ASAP1: variants seen among roughly 807,000 people sequenced by gnomAD.
The protein encoded by ASAP1 is arf-GAP with SH3 domain, ANK repeat and PH domain-containing protein 1.
Under a neutral mutation model 145.2 loss-of-function variants are expected in ASAP1, and 43 were observed. The ratio of observed to expected loss-of-function variants is 0.30; its 90% confidence interval spans 0.23 to 0.38. The LOEUF is 0.38. Among genes scored for constraint, ASAP1 ranks in the 10% least tolerant of loss-of-function variants. ASAP1 has a pLI of 1.00. For synonymous variants in ASAP1, 546 were observed against 515.5 expected, an observed-to-expected ratio of 1.06 and a Z score of -0.80; for missense variants, 1,018 against 1,355.3, an observed-to-expected ratio of 0.75 and a Z score of 3.91.
In ASAP1 at chr8:130,281,158, A is replaced by G. The variant is rs151156622; in HGVS notation, c.187-44164T>C. On this transcript the variant is annotated intron_variant, in intron 3 of 29. Transcript: ENST00000518721. The stretch of plus-strand genomic sequence containing the variant: ...CTGAACAAGGTTATTTCATCTAGAT[A>G]AACTCAATTACCTTATCTGTAAAAC... 3.6e-3 allele frequency among the ~76,000 whole-genome samples: 552 copies of G among 152,276 alleles called. 1 individual carries two copies. Among genetic ancestry groups the G allele is most frequent in the African/African-American group, 0.013 (531 of 41,556 alleles).
At chr8:130,337,698 C>T (rs1464635956) in intron 3 of ASAP1, among the ~76,000 whole-genome samples, 1 of 152,166 alleles carries the variant, frequency 6.6e-6, no homozygotes, top group African/African-American at 2.4e-5. Context: ...TTCTGTAATA[C>T]ATCTGTTTTC....
At chr8:130,089,063 T>C (rs1260824536) in intron 25 of ASAP1, among the ~76,000 whole-genome samples, 1 of 152,130 alleles carries the variant, frequency 6.6e-6, no homozygotes, top group Admixed American at 6.5e-5. Context: ...GTTCATGTAC[T>C]AGGAAAGACA....
intron 27 of ASAP1, among the ~76,000 whole-genome samples, chr8:130,070,329 G>A (rs1304806387): frequency 6.6e-6 from 1 of 152,132 alleles, no homozygotes; most frequent in African/African-American, 2.4e-5. Context: ...GAGCCACCGT[G>A]CCCGGCCGAC....
chr8:130,429,971 G>A (rs1037651511), intron 1 of ASAP1, among the ~76,000 whole-genome samples: 2 of 152,200 alleles, frequency 1.3e-5, no homozygotes, highest in Admixed American at 6.5e-5. Context: ...TGCCCCAGTA[G>A]ATGGCTCCTG....
chr8:130,332,523 A>C (rs2137807616), intron 3 of ASAP1, among the ~76,000 whole-genome samples: 1 of 152,356 alleles, frequency 6.6e-6, no homozygotes, highest in Admixed American at 6.5e-5. Flanking sequence ...AACACTTCCA[A>C]AAATTTCCTA....
At chr8:130,332,867 A>G (rs1824785392) in intron 3 of ASAP1, among the ~76,000 whole-genome samples, 1 of 152,148 alleles carries the variant, frequency 6.6e-6, no homozygotes, top group Non-Finnish European at 1.5e-5. Flanking sequence ...AAATTTTAGA[A>G]AATATTTCTA....
chr8:130,225,495 TTATC>T (rs1817537664), intron 4 of ASAP1, among the ~76,000 whole-genome samples: 3 of 152,194 alleles, frequency 2.0e-5, no homozygotes, highest in Admixed American at 1.3e-4. Context: ...TGCAATGAAA[TTATC>T]TATATGGCAT....
intron 3 of ASAP1, among the ~76,000 whole-genome samples, chr8:130,304,579 T>A (rs1822878827): frequency 6.6e-6 from 1 of 152,232 alleles, no homozygotes; most frequent in Non-Finnish European, 1.5e-5. Context: ...CTTCTATGCA[T>A]CTGCCCACCC....
At chr8:130,244,000 T>C (rs1376311550) in intron 3 of ASAP1, among the ~76,000 whole-genome samples, 1 of 152,182 alleles carries the variant, frequency 6.6e-6, no homozygotes, top group Non-Finnish European at 1.5e-5. Flanking sequence ...ATTATTTTTT[T>C]TACTTTCCCT....
intron 11 of ASAP1, chr8:130,163,073 G>A (rs1586484301): frequency 1.8e-5 from 3 of 167,580 alleles, no homozygotes; most frequent in Middle Eastern, 2.0e-3. Context: ...GTGACAATGA[G>A]ATATCTCTCA....
chr8:130,072,825 G>GTGTGCGCGTGTGCGCGCGCGCGCGCA, intron 27 of ASAP1, among the ~76,000 whole-genome samples: 4 of 54,098 alleles, frequency 7.4e-5, no homozygotes, highest in Admixed American at 3.5e-4. Flanking sequence ...GTGTGTGTGT[G>GTGTGCGCGTGTGCGCGCGCGCGCGCA]CGCGCGGGGG....
intron 3 of ASAP1, among the ~76,000 whole-genome samples, chr8:130,262,701 T>C (rs1246828282): frequency 6.6e-6 from 1 of 152,180 alleles, no homozygotes; most frequent in East Asian, 1.9e-4. Flanking sequence ...ATAGGCTCCA[T>C]TGAAAATTCC....
chr8:130,273,880 G>A (rs775342995), intron 3 of ASAP1, among the ~76,000 whole-genome samples: 1 of 152,088 alleles, frequency 6.6e-6, no homozygotes, highest in African/African-American at 2.4e-5. Flanking sequence ...CATTTAAAAA[G>A]CTCATCACTT....
At chr8:130,070,068 A>G (rs963265602) in intron 27 of ASAP1, among the ~76,000 whole-genome samples, 3 of 151,868 alleles carry the variant, frequency 2.0e-5, no homozygotes, top group Admixed American at 6.6e-5. Context: ...ACGGAGTCTC[A>G]CTCTGTCGCC....
At chr8:130,260,688 G>C (rs1041596143) in intron 3 of ASAP1, among the ~76,000 whole-genome samples, 1 of 151,998 alleles carries the variant, frequency 6.6e-6, no homozygotes, top group African/African-American at 2.4e-5. Flanking sequence ...CTTGGTGGAT[G>C]AGCCTCAAAA....
At chr8:130,112,607 T>C (rs1457203417) in intron 23 of ASAP1, among the ~76,000 whole-genome samples, 3 of 152,226 alleles carry the variant, frequency 2.0e-5, no homozygotes, top group African/African-American at 7.2e-5. Context: ...GATTTAACTT[T>C]TAATAAGCAA....
chr8:130,300,895 A>C (rs1207085317), intron 3 of ASAP1, among the ~76,000 whole-genome samples: 3 of 152,136 alleles, frequency 2.0e-5, no homozygotes, highest in African/African-American at 7.2e-5. Context: ...AATGATGATT[A>C]ATCTCTAAGA....
In ASAP1 at chr8:130,118,472, T is replaced by C. The variant is rs754990947; in HGVS notation, c.1794+17A>G. 1.3e-6 allele frequency: 2 copies of C among 1,584,804 alleles called. No homozygotes were observed. Among genetic ancestry groups the C allele is most frequent in the Admixed American group, 3.6e-5 (2 of 54,890 alleles). ...TTCCACATTACTTTTTATCCAATGATTTTAGTGAGGCCTTACCTGCCCAGG... is the reference window on the plus strand; with the variant it reads ...TTCCACATTACTTTTTATCCAATGACTTTAGTGAGGCCTTACCTGCCCAGG... On this transcript the variant is annotated intron_variant, in intron 19 of 29. Coordinates refer to ENST00000518721, the MANE Select transcript of ASAP1 (RefSeq NM_018482.4).
At chr8:130,251,016 T>TA (rs1170077690) in intron 3 of ASAP1, among the ~76,000 whole-genome samples, 1 of 152,148 alleles carries the variant, frequency 6.6e-6, no homozygotes, top group African/African-American at 2.4e-5. Context: ...CCAACAAAGA[T>TA]AAAGTAAATA....
Sources: allele counts gnomAD v4.1 joint callset (sites outside exome capture counted in the v4.1 genomes callset), GRCh38; gene constraint gnomAD v4.1.1; transcripts MANE v1.5; gene names NCBI Gene and HGNC (gene_info 2026-07-23, HGNC 2026-07-21).